MSRA: variants seen among roughly 807,000 people sequenced by gnomAD.
MSRA encodes methionine sulfoxide reductase A, also known as mitochondrial peptide methionine sulfoxide reductase.
MSRA carries 54 observed loss-of-function variants against 31.3 expected under a neutral mutation model. The ratio of observed to expected loss-of-function variants is 1.73; its 90% CI spans 1.39 to 2.17. The LOEUF is 2.17. MSRA is among the 30% of genes most tolerant of loss of function. The probability of loss-of-function intolerance (pLI) is 0.00; values close to 1 mark genes in which losing one functional copy is unlikely to be tolerated. For synonymous variants in MSRA, 169 were observed against 116.5 expected (o/e 1.45, Z -2.90); for missense variants, 507 against 300.9 (o/e 1.69, Z -5.07).
intron 1 of MSRA, among the ~76,000 whole-genome samples, chr8:10,151,279 A>G (rs77620296): frequency 7.0e-6 from 1 of 143,336 alleles, no homozygotes; most frequent in African/African-American, 2.6e-5. Context: ...AAAAAAAAAA[A>G]AAAAAAAAAT....
At chr8:10,371,864 C>T (rs554315375) in intron 5 of MSRA, among the ~76,000 whole-genome samples, 5 of 152,180 alleles carry the variant, frequency 3.3e-5, no homozygotes, top group Non-Finnish European at 7.3e-5. Flanking sequence ...CTTGGCAACA[C>T]TTGCTGAAGG....
At chr8:10,361,318 C>T (rs960874922) in intron 5 of MSRA, among the ~76,000 whole-genome samples, 6 of 152,188 alleles carry the variant, frequency 3.9e-5, no homozygotes, top group Admixed American at 1.3e-4. Context: ...TCTGCCTCCA[C>T]CAAAAGGCTC....
chr8:10,342,453 C>T (rs1269578309), intron 5 of MSRA, among the ~76,000 whole-genome samples: 1 of 152,196 alleles, frequency 6.6e-6, no homozygotes, highest in Non-Finnish European at 1.5e-5. Context: ...TATATCTTAG[C>T]ATGATGATAA....
chr8:10,170,130 C>T (rs1805473079), intron 1 of MSRA, among the ~76,000 whole-genome samples: 2 of 150,008 alleles, frequency 1.3e-5, no homozygotes, highest in East Asian at 3.9e-4. Flanking sequence ...AGGTGATCTG[C>T]CCACTTTGGC....
chr8:10,410,954 A>T (rs1367226644), intron 5 of MSRA: 1 of 151,898 alleles, frequency 6.6e-6, no homozygotes, highest in African/African-American at 2.4e-5. Context: ...CCTATTTTGA[A>T]TTCTCCTCCC....
chr8:10,114,808 T>C (rs1265322634), intron 1 of MSRA, among the ~76,000 whole-genome samples: 2 of 152,324 alleles, frequency 1.3e-5, no homozygotes, highest in South Asian at 4.1e-4. Flanking sequence ...ATGTCAATTC[T>C]CTTAAAATCT....
At chr8:10,276,234 C>G (rs1799314888) in intron 3 of MSRA, among the ~76,000 whole-genome samples, 1 of 152,240 alleles carries the variant, frequency 6.6e-6, no homozygotes, top group Non-Finnish European at 1.5e-5. Context: ...CCTGGAGCAG[C>G]TGTTTGGGGC....
chr8:10,180,241 A>G (rs1302091029), intron 1 of MSRA, among the ~76,000 whole-genome samples: 3 of 152,208 alleles, frequency 2.0e-5, no homozygotes, highest in Admixed American at 6.5e-5. Flanking sequence ...ACAGTTTATT[A>G]TATTTACTGG....
chr8:10,313,619 A>G (rs1801557542), intron 4 of MSRA, among the ~76,000 whole-genome samples: 1 of 152,190 alleles, frequency 6.6e-6, no homozygotes. Context: ...TGCAAATCCA[A>G]ATGAGATCCC....
In MSRA at chr8:10,185,430, G is replaced by A. The variant is rs143935443; in HGVS notation, c.143-22403G>A. On this transcript the variant is annotated intron_variant, in intron 1 of 5. Coordinates refer to ENST00000317173, the MANE Select transcript of MSRA (RefSeq NM_012331.5). ...AACGATCTGATGATGAGTGGGTGGG[G>A]TAAGATGGACAACCCTGTTTCTGCC... 5.3e-5 allele frequency among the ~76,000 whole-genome samples: 8 copies of A among 152,298 alleles called. No individual in the cohort carries two copies. The East Asian group carries it at 1.5e-3, about 29-fold the overall frequency.
chr8:10,254,030 C>G (rs534364662), intron 3 of MSRA, among the ~76,000 whole-genome samples: 11 of 152,070 alleles, frequency 7.2e-5, no homozygotes, highest in South Asian at 2.1e-4. Context: ...GCCGTGCCTC[C>G]GATCTGCCGG....
chr8:10,064,846 GA>G (rs1797382398), intron 1 of MSRA, among the ~76,000 whole-genome samples: 1 of 152,190 alleles, frequency 6.6e-6, no homozygotes, highest in African/African-American at 2.4e-5. Flanking sequence ...TATTTTAACA[GA>G]TTGTACCCAG....
intron 5 of MSRA, among the ~76,000 whole-genome samples, chr8:10,397,984 A>T (rs9657538): frequency 1.3e-5 from 2 of 152,020 alleles, no homozygotes; most frequent in Non-Finnish European, 2.9e-5. Context: ...AACATCACCA[A>T]TATAAAAGGT....
At chr8:10,093,852 T>A (rs552408269) in intron 1 of MSRA, among the ~76,000 whole-genome samples, 1 of 152,204 alleles carries the variant, frequency 6.6e-6, no homozygotes, top group Admixed American at 6.5e-5. Flanking sequence ...AATGTCTCCT[T>A]CATTTTCAAA....
intron 1 of MSRA, among the ~76,000 whole-genome samples, chr8:10,073,385 C>A (rs1797837462): frequency 6.6e-6 from 1 of 152,164 alleles, no homozygotes; most frequent in Admixed American, 6.5e-5. Context: ...ATGCTTATTG[C>A]TTTAGCTGTT....
intron 5 of MSRA, among the ~76,000 whole-genome samples, chr8:10,350,694 G>C (rs1400773899): frequency 6.6e-6 from 1 of 152,204 alleles, no homozygotes; most frequent in Non-Finnish European, 1.5e-5. Flanking sequence ...TGTATCTCTG[G>C]CCTGGGCACC....
At chr8:10,174,866 T>A (rs1805904371) in intron 1 of MSRA, among the ~76,000 whole-genome samples, 1 of 152,164 alleles carries the variant, frequency 6.6e-6, no homozygotes, top group African/African-American at 2.4e-5. Flanking sequence ...AATGGCATTT[T>A]ATTCTGTCCT....
chr8:10,318,451 G>T (rs7006053), intron 4 of MSRA, among the ~76,000 whole-genome samples: 1 of 152,128 alleles, frequency 6.6e-6, no homozygotes, highest in Non-Finnish European at 1.5e-5. Flanking sequence ...AGCCTCTAGA[G>T]TGTGGAGGCT....
At chr8:10,210,818 C>G (rs1393470996) in intron 2 of MSRA, among the ~76,000 whole-genome samples, 1 of 151,834 alleles carries the variant, frequency 6.6e-6, no homozygotes, top group Non-Finnish European at 1.5e-5. Flanking sequence ...ACTGCAACCT[C>G]CACTTCCCGA....
Sources: allele counts gnomAD v4.1 joint callset (sites outside exome capture counted in the v4.1 genomes callset), GRCh38; gene constraint gnomAD v4.1.1; transcripts MANE v1.5; gene names NCBI Gene and HGNC (gene_info 2026-07-23, HGNC 2026-07-21).